The following CLDN10 variants were observed in gnomAD, a reference collection of about 807,000 sequenced individuals.
CLDN10 encodes claudin 10.
A neutral mutation model predicts 22.9 loss-of-function variants in CLDN10; 15 were observed. The observed-to-expected ratio is 0.65, with a 90% confidence interval of 0.44 to 1.01. CLDN10 has a LOEUF of 1.01. Ranked by LOEUF, CLDN10 falls within the 50% of genes least tolerant of loss-of-function variation. CLDN10 has a pLI of 0.00. For missense variants in CLDN10, 247 were observed against 287.8 expected (o/e 0.86, Z 1.03); for synonymous variants, 114 against 111.4 (o/e 1.02, Z -0.15).
At chr13:95,546,265 A>G (rs968012909) in intron 1 of CLDN10, among the ~76,000 whole-genome samples, 1 of 152,182 alleles carries the variant, frequency 6.6e-6, no homozygotes, top group African/African-American at 2.4e-5. Context: ...GTGGGAAGCA[A>G]CTTCTCACAA....
chr13:95,504,323 T>C (rs1227836705), intron 1 of CLDN10, among the ~76,000 whole-genome samples: 1 of 152,254 alleles, frequency 6.6e-6, no homozygotes, highest in African/African-American at 2.4e-5. Flanking sequence ...GCAAGAAACA[T>C]TAATCACATT....
chr13:95,451,576 G>A (rs533695569), intron 1 of CLDN10, among the ~76,000 whole-genome samples: 1 of 152,260 alleles, frequency 6.6e-6, no homozygotes, highest in South Asian at 2.1e-4. Context: ...GACTACAGGT[G>A]CAAGCCTCCA....
chr13:95,574,085 G>A (rs1251390625), intron 3 of CLDN10, among the ~76,000 whole-genome samples: 1 of 152,176 alleles, frequency 6.6e-6, no homozygotes, highest in Non-Finnish European at 1.5e-5. Context: ...ATTCCATGGT[G>A]TATATGTGCC....
chr13:95,516,280 C>T (rs2043167165), intron 1 of CLDN10, among the ~76,000 whole-genome samples: 1 of 152,082 alleles, frequency 6.6e-6, no homozygotes, highest in Non-Finnish European at 1.5e-5. Context: ...ACATTACATC[C>T]TACACCTTCA....
At chr13:95,489,785 C>T (rs1238551529) in intron 1 of CLDN10, among the ~76,000 whole-genome samples, 1 of 152,114 alleles carries the variant, frequency 6.6e-6, no homozygotes. Flanking sequence ...TCATGAAATC[C>T]TTGCCTAAGC....
chr13:95,482,880 A>G (rs1447649417), intron 1 of CLDN10, among the ~76,000 whole-genome samples: 2 of 152,102 alleles, frequency 1.3e-5, no homozygotes, highest in African/African-American at 2.4e-5. Context: ...TCCGGAGGCT[A>G]AGACAGGAGA....
At chr13:95,475,774 G>A (rs17268449) in intron 1 of CLDN10, among the ~76,000 whole-genome samples, 31,650 of 151,768 alleles carry the variant, frequency 0.21, 3,886 homozygotes, top group Non-Finnish European at 0.29. Flanking sequence ...TGCATGGGTC[G>A]AGGGTCCCTG....
intron 1 of CLDN10, among the ~76,000 whole-genome samples, chr13:95,458,992 C>A (rs1395270463): frequency 2.0e-5 from 3 of 152,158 alleles, no homozygotes; most frequent in Admixed American, 6.5e-5. Flanking sequence ...TTGGCCAAAA[C>A]AAAGGGGCTA....
intron 1 of CLDN10, among the ~76,000 whole-genome samples, chr13:95,540,041 T>C (rs1190940945): frequency 6.6e-6 from 1 of 152,044 alleles, no homozygotes; most frequent in East Asian, 1.9e-4. Flanking sequence ...GGCTCACGCC[T>C]GTAATTCCAG....
chr13:95,502,427 A>G (rs1348065488), intron 1 of CLDN10, among the ~76,000 whole-genome samples: 1 of 152,190 alleles, frequency 6.6e-6, no homozygotes, highest in Non-Finnish European at 1.5e-5. Flanking sequence ...CTCCTTCTCT[A>G]GAAAGTTTTC....
At chr13:95,563,358 T>C (rs564980349) in intron 3 of CLDN10, among the ~76,000 whole-genome samples, 1 of 152,182 alleles carries the variant, frequency 6.6e-6, no homozygotes, top group South Asian at 2.1e-4. Context: ...TATAGATGCC[T>C]TTATTAGCTC....
Position 95,579,213 on chromosome 13 carries a change from T to C in CLDN10, c.*1199T>C, listed in dbSNP as rs2043981106. The stretch of plus-strand genomic sequence containing the variant: ...CAGAACTGACGGGCCGAGTTCTATC[T>C]AGGTGTGTCTTCCAGAACCTGTTTA... On this transcript the variant is annotated 3_prime_UTR_variant, in exon 5 of 5. Transcript: ENST00000299339. The C allele has an allele frequency of 6.6e-6, 1 of 152,240 alleles. No homozygotes were observed. Among genetic ancestry groups the C allele is most frequent in the Non-Finnish European group, 1.5e-5 (1 of 68,048 alleles). 9.4% of individuals were successfully genotyped at this position (152,240 alleles called of 1,614,324 possible). A position where few individuals can be genotyped will look rare whatever the true frequency, so the allele number is the denominator to read the frequency against.
At position 95,542,154 on chromosome 13, in the gene CLDN10, T is replaced by C. The variant is rs143095619; in HGVS notation, c.215-17978T>C. The stretch of plus-strand genomic sequence containing the variant: ...AATGACCAGATCTCACGAGAACTCA[T>C]TCACTATCACGGGAACAGCCCCAAG... On this transcript the variant is annotated intron_variant, in intron 1 of 4. Transcript: ENST00000376873. 5.4e-3 allele frequency among the ~76,000 whole-genome samples: 823 copies of C among 152,328 alleles called. 8 individuals carry two copies. The highest frequency in any genetic ancestry group is 0.019 in the African/African-American group (793 of 41,568).
At chr13:95,440,910 C>A (rs533396958) in intron 1 of CLDN10, among the ~76,000 whole-genome samples, 1 of 152,324 alleles carries the variant, frequency 6.6e-6, no homozygotes, top group East Asian at 1.9e-4. Context: ...TAGCAGCGGA[C>A]GACTGGACTG....
chr13:95,574,502 G>A (rs970186543), intron 3 of CLDN10, among the ~76,000 whole-genome samples: 1 of 152,208 alleles, frequency 6.6e-6, no homozygotes, highest in African/African-American at 2.4e-5. Flanking sequence ...ACGTGTGGTG[G>A]TTCACACCTG....
rs576332123 is a variant in CLDN10 at position 95,544,277 on chromosome 13, C to T, written c.215-15855C>T. On this transcript the variant is annotated intron_variant, in intron 1 of 4. Coordinates refer to the CLDN10 transcript ENST00000376873. ...AGGTTGCTTAACCAAATTTCATTGG[C>T]TGCTTTATTTAGCATGTCAAAAAAT... is the stretch of plus-strand genomic sequence containing the variant. 2.0e-5 allele frequency among the ~76,000 whole-genome samples: 3 copies of T among 152,258 alleles called. No homozygotes were observed. In the East Asian group the frequency reaches 5.8e-4, roughly 29 times the overall value.
At chr13:95,570,858 G>GTATATATATATATA (rs55861640) in intron 3 of CLDN10, among the ~76,000 whole-genome samples, 2,400 of 119,340 alleles carry the variant, frequency 0.02, 60 homozygotes, top group African/African-American at 0.029. Context: ...ATATACGTGT[G>GTATATATATATATA]TATATATATA....
chr13:95,434,058 TG>T (rs755290384), intron 1 of CLDN10: 12 of 1,609,342 alleles, frequency 7.5e-6, no homozygotes, highest in Non-Finnish European at 1.0e-5. Context: ...GTAAATATAA[TG>T]GCTTTGTTTG....
chr13:95,438,971 A>G (rs1594518382), intron 1 of CLDN10, among the ~76,000 whole-genome samples: 7 of 112,412 alleles, frequency 6.2e-5, no homozygotes, highest in Admixed American at 5.4e-4. Flanking sequence ...GCAAGACTCC[A>G]TCGCAAAAAA....
Sources: allele counts gnomAD v4.1 joint callset (sites outside exome capture counted in the v4.1 genomes callset), GRCh38; gene constraint gnomAD v4.1.1; transcripts MANE v1.5; gene names NCBI Gene and HGNC (gene_info 2026-07-23, HGNC 2026-07-21).